REDIC1: variants seen among roughly 807,000 people sequenced by gnomAD.
REDIC1 encodes regulator of DNA class I crossover intermediates 1.
chr12:39,725,100 A>G, the REDIC1 span, among the ~76,000 whole-genome samples: 3 of 152,292 alleles, frequency 2.0e-5, no homozygotes, highest in East Asian at 5.8e-4. Flanking sequence ...AAGTCAAATG[A>G]AAAACATGAA....
At chr12:39,752,827 TCAC>T in the REDIC1 span, among the ~76,000 whole-genome samples, 1 of 151,968 alleles carries the variant, frequency 6.6e-6, no homozygotes, top group African/African-American at 2.4e-5. Context: ...CTAGATGAGC[TCAC>T]CATTTAAAAG....
chr12:39,678,946 C>T, the REDIC1 span, among the ~76,000 whole-genome samples: 2 of 151,948 alleles, frequency 1.3e-5, no homozygotes, highest in Admixed American at 1.3e-4. Flanking sequence ...AAGGGACATA[C>T]CTTAAGATAA....
the REDIC1 span, among the ~76,000 whole-genome samples, chr12:39,897,996 T>C: frequency 3.9e-5 from 6 of 152,130 alleles, no homozygotes; most frequent in Non-Finnish European, 8.8e-5. Context: ...ACTTAAGAGA[T>C]GTTATCAGTT....
the REDIC1 span, among the ~76,000 whole-genome samples, chr12:39,674,574 G>A: frequency 6.6e-6 from 1 of 151,472 alleles, no homozygotes; most frequent in Non-Finnish European, 1.5e-5. Flanking sequence ...AGTTCCCAAA[G>A]TGTGAGGGGG....
At chr12:39,868,968 A>T in the REDIC1 span, among the ~76,000 whole-genome samples, 1 of 152,220 alleles carries the variant, frequency 6.6e-6, no homozygotes, top group Non-Finnish European at 1.5e-5. Context: ...AACATTTTTC[A>T]CTATTTTTAG....
chr12:39,890,556 T>C, the REDIC1 span, among the ~76,000 whole-genome samples: 1 of 152,212 alleles, frequency 6.6e-6, no homozygotes, highest in Non-Finnish European at 1.5e-5. Context: ...AGTAAATCTA[T>C]CTGACCTCTG....
chr12:39,804,122 TG>T, the REDIC1 span, among the ~76,000 whole-genome samples: 1 of 151,870 alleles, frequency 6.6e-6, no homozygotes, highest in African/African-American at 2.4e-5. Flanking sequence ...GTTAGAGTGG[TG>T]GGGAAAAAAA....
At chr12:39,831,786 C>T in the REDIC1 span, among the ~76,000 whole-genome samples, 1 of 152,132 alleles carries the variant, frequency 6.6e-6, no homozygotes, top group African/African-American at 2.4e-5. Context: ...CTTGCTCCCA[C>T]TTTCACTATG....
the REDIC1 span, among the ~76,000 whole-genome samples, chr12:39,858,691 C>T: frequency 6.6e-6 from 1 of 152,172 alleles, no homozygotes; most frequent in Non-Finnish European, 1.5e-5. Flanking sequence ...ACTGCAACCT[C>T]CGCCTCCCAG....
At chr12:39,711,258 A>G in the REDIC1 span, among the ~76,000 whole-genome samples, 1 of 149,988 alleles carries the variant, frequency 6.7e-6, no homozygotes, top group Non-Finnish European at 1.5e-5. Context: ...GTATATATAT[A>G]TGTGATATGT....
chr12:39,647,511 A>T, the REDIC1 span, among the ~76,000 whole-genome samples: 1 of 152,112 alleles, frequency 6.6e-6, no homozygotes, highest in African/African-American at 2.4e-5. Context: ...TGAAACTCAG[A>T]TTTCCTGTCT....
the REDIC1 span, chr12:39,907,873 A>G: frequency 6.6e-6 from 1 of 152,138 alleles, no homozygotes; most frequent in Non-Finnish European, 1.5e-5. Context: ...TGGAAAGAGA[A>G]TGGAGCCTTA....
the REDIC1 span, among the ~76,000 whole-genome samples, chr12:39,748,386 T>C: frequency 6.6e-6 from 1 of 152,206 alleles, no homozygotes; most frequent in Admixed American, 6.5e-5. Context: ...TAAATATATA[T>C]GCACCCAATA....
the REDIC1 span, among the ~76,000 whole-genome samples, chr12:39,858,852 C>A: frequency 6.6e-6 from 1 of 152,138 alleles, no homozygotes; most frequent in African/African-American, 2.4e-5. Context: ...ATGATCCACC[C>A]GCTTTGGCCT....
the REDIC1 span, among the ~76,000 whole-genome samples, chr12:39,839,234 C>CGAG: frequency 3.0e-4 from 46 of 152,110 alleles, no homozygotes; most frequent in Middle Eastern, 3.4e-3. Flanking sequence ...CTTGGAGCCT[C>CGAG]GTGAAGGACA....
the REDIC1 span, among the ~76,000 whole-genome samples, chr12:39,839,018 T>C: frequency 6.6e-6 from 1 of 152,102 alleles, no homozygotes; most frequent in Non-Finnish European, 1.5e-5. Context: ...CTGCAGGTAA[T>C]TGTGCTCACT....
At chr12:39,830,206 CCAACATA>C in the REDIC1 span, 1 of 1,613,466 alleles carries the variant, frequency 6.2e-7, no homozygotes, top group Non-Finnish European at 8.5e-7. Flanking sequence ...CAGTCTGGAT[CCAACATA>C]CATTCATTAC....
chr12:39,885,464 T>A, the REDIC1 span, among the ~76,000 whole-genome samples: 15 of 152,128 alleles, frequency 9.9e-5, no homozygotes, highest in African/African-American at 3.6e-4. Context: ...TTTTCCTTGA[T>A]CCCCGCTTCT....
chr12:39,683,064 G>GTATA, the REDIC1 span: 3 of 1,612,818 alleles, frequency 1.9e-6, no homozygotes, highest in Non-Finnish European at 2.5e-6. Context: ...ATCAGAGAGA[G>GTATA]TATAACAAAA....
Sources: allele counts gnomAD v4.1 joint callset (sites outside exome capture counted in the v4.1 genomes callset), GRCh38; gene constraint gnomAD v4.1.1; transcripts MANE v1.5; gene names NCBI Gene and HGNC (gene_info 2026-07-23, HGNC 2026-07-21).